ZNF225: variants seen among roughly 807,000 people sequenced by gnomAD.
ZNF225 encodes the protein zinc finger protein 225.
Under a neutral mutation model 12.0 loss-of-function variants are expected in ZNF225, and 6 were observed. The observed-to-expected ratio is 0.50, with a 90% CI of 0.27 to 0.98. The LOEUF (loss-of-function observed/expected upper bound fraction) is 0.98, where lower values mean the gene tolerates loss of function less well. ZNF225 is among the 50% of genes least tolerant of loss of function. The pLI, the probability that ZNF225 is intolerant of heterozygous loss-of-function variation, is 0.11. For synonymous variants in ZNF225, 271 were observed against 283.2 expected (o/e 0.96, Z 0.43); for missense variants, 763 against 848.2 (o/e 0.90, Z 1.25).
At chr19:44,125,041 G>A (rs954314363) in intron 4 of ZNF225, among the ~76,000 whole-genome samples, 7 of 152,128 alleles carry the variant, frequency 4.6e-5, no homozygotes, top group African/African-American at 1.4e-4. Flanking sequence ...GTGAGGTGCC[G>A]TTGCATTCAT....
upstream of ZNF225, chr19:44,112,398 G>A (rs751737623): frequency 1.2e-4 from 19 of 152,200 alleles, no homozygotes; most frequent in East Asian, 3.9e-4. Flanking sequence ...CTTACCGAGG[G>A]CTCCCATACC....
In ZNF225 at chr19:44,115,784, T is replaced by G; in HGVS notation, c.-44T>G. 1 of 1,606,218 alleles carries G rather than the reference T, an allele frequency of 6.2e-7. No individual in the cohort carries two copies. Reference sequence around the variant, plus strand: ...GGCAGGATTCTGCTTTCCCTTGGACTGTATCACTCAGGACTCTGAATATTC... The same window carrying G: ...GGCAGGATTCTGCTTTCCCTTGGACGGTATCACTCAGGACTCTGAATATTC... On this transcript the variant is annotated 5_prime_UTR_variant, in exon 2 of 5. Transcript: ENST00000262894.
At chr19:44,114,610 A>C (rs10404050) in intron 1 of ZNF225, among the ~76,000 whole-genome samples, 4,265 of 152,118 alleles carry the variant, frequency 0.028, 206 homozygotes, top group African/African-American at 0.097. Context: ...TCCTGGGTTC[A>C]AGCTATTCTC....
chr19:44,111,976 G>C (rs1967840974), upstream of ZNF225: 1 of 152,184 alleles, frequency 6.6e-6, no homozygotes, highest in Non-Finnish European at 1.5e-5. Context: ...AGGTTTAATA[G>C]GAAGAAGAGA....
At chr19:44,119,378 G>A (rs1171598842) in intron 4 of ZNF225, among the ~76,000 whole-genome samples, 1 of 152,186 alleles carries the variant, frequency 6.6e-6, no homozygotes, top group Admixed American at 6.5e-5. Context: ...CCTGAAGTCT[G>A]ACACGTCTCA....
intron 1 of ZNF225, chr19:44,114,132 C>T: frequency 1.3e-6 from 1 of 787,484 alleles, no homozygotes; most frequent in Non-Finnish European, 2.0e-6. Context: ...CAGAGTGTTT[C>T]ACAGCCTTCT....
intron 1 of ZNF225, among the ~76,000 whole-genome samples, chr19:44,114,667 C>T (rs988493967): frequency 5.3e-5 from 8 of 152,156 alleles, no homozygotes; most frequent in Non-Finnish European, 1.2e-4. Context: ...CCTGCCACCA[C>T]ATCCGGCTAA....
rs1329556699 is a variant in ZNF225 at position 44,130,922 on chromosome 19, C to T, written c.308C>T (p.Thr103Ile). ...CATGAAGGCTTGTTCAGTCATCAAA[C>T]CTGGGAACAAATTTCAAGTGACTTA... ...GTHEGLFSHQ[T>I]WEQISSDLTR... The change falls in exon 5 of 5, where the codon ACC becomes ATC. Residue 103 changes from threonine (T) to isoleucine (I), a missense_variant. By Grantham distance (89) the Thr-to-Ile change is moderately conservative. Transcript: ENST00000262894. The T allele has an allele frequency of 1.2e-6, 2 of 1,614,026 alleles. No individual in the cohort carries two copies.
chr19:44,131,290 C>A lies in ZNF225; in HGVS notation c.676C>A (p.His226Asn), dbSNP rs1420839898. The change falls in exon 5 of 5, where the codon CAC becomes AAC. Residue 226 changes from histidine (H) to asparagine (N), a missense_variant. Transcript: ENST00000262894. ...ACATCTGCAAATTCATCAGAGAATC[C>A]ACACTGGAGAGAAACCATTCAAATG... ...SSHLQIHQRI[H>N]TGEKPFKCEQ... 1.9e-6 allele frequency: 3 copies of A among 1,614,166 alleles called. No individual in the cohort carries two copies. The highest frequency in any genetic ancestry group is 8.5e-7 in the Non-Finnish European group (1 of 1,180,024).
intron 4 of ZNF225, among the ~76,000 whole-genome samples, chr19:44,124,390 T>C (rs1599677496): frequency 6.6e-6 from 1 of 152,188 alleles, no homozygotes; most frequent in East Asian, 1.9e-4. Context: ...CTTGATATAA[T>C]TTCAGTTTTC....
chr19:44,118,583 C>A lies in ZNF225; in HGVS notation c.235+9C>A, dbSNP rs1328248400. On this transcript the variant is annotated intron_variant, in intron 4 of 4. Coordinates refer to ENST00000262894, the MANE Select transcript of ZNF225 (RefSeq NM_013362.4). ...AAGAGAAGGGAATTTAGGTAAGAAG[C>A]AAGCAACTCTGTGTCCTTGTGCGTG... 1 of 1,609,058 alleles carries A rather than the reference C, an allele frequency of 6.2e-7. No individual in the cohort carries two copies. Among genetic ancestry groups the A allele is most frequent in the Non-Finnish European group, 8.5e-7 (1 of 1,176,578 alleles).
chr19:44,114,340 T>C (rs1967894996), intron 1 of ZNF225: 2 of 420,928 alleles, frequency 4.8e-6, no homozygotes, highest in Non-Finnish European at 8.6e-6. Context: ...TCTTGAAAGA[T>C]AGCATAGCTT....
At chr19:44,126,156 C>A (rs550558945) in intron 4 of ZNF225, among the ~76,000 whole-genome samples, 1 of 152,278 alleles carries the variant, frequency 6.6e-6, no homozygotes, top group South Asian at 2.1e-4. Flanking sequence ...GGTTCCTTCT[C>A]ATTTGGGTAG....
chr19:44,132,520 G>T lies in ZNF225; in HGVS notation c.1906G>T (p.Ala636Ser). 1 of 1,614,050 alleles carries T rather than the reference G, an allele frequency of 6.2e-7. No homozygotes were observed. Among genetic ancestry groups the T allele is most frequent in the Non-Finnish European group, 8.5e-7 (1 of 1,179,978 alleles). The change falls in exon 5 of 5, where the codon GCC (alanine) becomes TCC (serine). Residue 636 changes from alanine (A) to serine (S), a missense_variant. Transcript: ENST00000262894. ...GAAGTGTGGAAAGAGCTTCAGATGG[G>T]CCTCAACTCATCTAACCCATCAGAG... is the stretch of plus-strand genomic sequence containing the variant. ...CEKCGKSFRW[A>S]STHLTHQRLH...
intron 4 of ZNF225, among the ~76,000 whole-genome samples, chr19:44,125,824 T>G (rs1050147514): frequency 3.3e-5 from 5 of 152,236 alleles, no homozygotes; most frequent in Non-Finnish European, 4.4e-5. Flanking sequence ...TGTTCAATTC[T>G]ATTGCTGAGA....
intron 4 of ZNF225, among the ~76,000 whole-genome samples, chr19:44,125,281 A>T (rs1420088421): frequency 6.6e-6 from 1 of 152,180 alleles, no homozygotes; most frequent in Non-Finnish European, 1.5e-5. Context: ...TGTATCTTCC[A>T]TTCATATATG....
intron 4 of ZNF225, among the ~76,000 whole-genome samples, chr19:44,125,716 G>T (rs1257848306): frequency 2.0e-5 from 3 of 152,074 alleles, no homozygotes; most frequent in African/African-American, 7.2e-5. Context: ...ACTTCTTTGA[G>T]GCTTTGTTTA....
At position 44,132,881 on chromosome 19, in the gene ZNF225, C is replaced by T; in HGVS notation, c.*146C>T. ...GAACCCTTAAAATTCACTGTCCTAG[C>T]TATTTGAAAATAATACGTTGTTAAT... On this transcript the variant is annotated 3_prime_UTR_variant, in exon 5 of 5. Coordinates refer to ENST00000262894, the MANE Select transcript of ZNF225 (RefSeq NM_013362.4). The T allele has an allele frequency of 2.7e-6, 2 of 741,614 alleles. No individual in the cohort carries two copies. Among genetic ancestry groups the T allele is most frequent in the Non-Finnish European group, 4.2e-6 (2 of 481,458 alleles). 45.9% of individuals were successfully genotyped at this position (741,614 alleles called of 1,614,324 possible). A position where few individuals can be genotyped will look rare whatever the true frequency, so the allele number is the denominator to read the frequency against.
chr19:44,130,700 CA>C (rs775988972), intron 4 of ZNF225, 149 bp from the exon 5 acceptor site: 8,384 of 166,750 alleles, frequency 0.05, 15 homozygotes, highest in African/African-American at 0.16. Flanking sequence ...GACTCCATCT[CA>C]AAAAAAAAAA....
Sources: gnomAD v4.1 joint callset for allele counts (sites outside exome capture counted in the v4.1 genomes callset) on GRCh38, gnomAD v4.1.1 for gene constraint, MANE v1.5 for transcripts, NCBI Gene and HGNC (gene_info 2026-07-23, HGNC 2026-07-21) for gene names.